ZNF487: variants seen among roughly 807,000 people sequenced by gnomAD.
ZNF487 encodes zinc finger protein 487.
ZNF487 carries 4 observed loss-of-function variants against 3.0 expected under a neutral mutation model. The observed-to-expected ratio is 1.35, with a 90% CI of 0.66 to 3.08. The LOEUF (loss-of-function observed/expected upper bound fraction) is 3.08. Among genes scored for constraint, ZNF487 ranks in the 30% most tolerant of loss-of-function variants. ZNF487 has a pLI of 0.01. For missense variants in ZNF487, 146 were observed against 98.7 expected, an observed-to-expected ratio of 1.48 and a Z score of -2.03; for synonymous variants, 55 against 34.6, an observed-to-expected ratio of 1.59 and a Z score of -2.06.
chr10:43,499,744 C>T, the ZNF487 span, among the ~76,000 whole-genome samples: 1 of 149,120 alleles, frequency 6.7e-6, no homozygotes, highest in African/African-American at 2.5e-5. Context: ...GAGTGAGACC[C>T]TGTCTCAAAA....
chr10:43,467,354 G>A (rs1840744925), intron 1 of ZNF487, among the ~76,000 whole-genome samples: 2 of 151,474 alleles, frequency 1.3e-5, no homozygotes, highest in South Asian at 2.1e-4. Flanking sequence ...ACAGGTGCAC[G>A]CCACCACGCC....
chr10:43,493,709 A>AAAAAAAAAAAAATAAAAATATATATAAAT, the ZNF487 span, among the ~76,000 whole-genome samples: 1 of 43,720 alleles, frequency 2.3e-5, no homozygotes. Context: ...AAAAAAAAAA[A>AAAAAAAAAAAAATAAAAATATATATAAAT]ATATATATAT....
At chr10:43,475,164 G>A (rs958968659) in intron 1 of ZNF487, among the ~76,000 whole-genome samples, 1 of 152,082 alleles carries the variant, frequency 6.6e-6, no homozygotes, top group African/African-American at 2.4e-5. Flanking sequence ...ATTCTCCGGG[G>A]ACCCTCCCTT....
At chr10:43,453,650 C>T (rs1273036887) in intron 1 of ZNF487, 2 of 152,198 alleles carry the variant, frequency 1.3e-5, no homozygotes, top group Non-Finnish European at 2.9e-5. Context: ...AGCCGAATAA[C>T]AAACTTACAG....
At chr10:43,518,275 T>C in the ZNF487 span, among the ~76,000 whole-genome samples, 3 of 152,220 alleles carry the variant, frequency 2.0e-5, no homozygotes, top group African/African-American at 7.2e-5. Flanking sequence ...CAATGAAAGT[T>C]CTACCTCCCA....
At chr10:43,459,834 C>T (rs1840360184) in intron 1 of ZNF487, among the ~76,000 whole-genome samples, 1 of 150,254 alleles carries the variant, frequency 6.7e-6, no homozygotes, top group Admixed American at 6.7e-5. Context: ...TGGAGTCTCG[C>T]TCTGTCGTCC....
intron 1 of ZNF487, among the ~76,000 whole-genome samples, chr10:43,468,378 C>G (rs1279548212): frequency 6.6e-6 from 1 of 152,102 alleles, no homozygotes; most frequent in Admixed American, 6.6e-5. Flanking sequence ...ACAGAGAAAT[C>G]TTTCGTGAAA....
the ZNF487 span, among the ~76,000 whole-genome samples, chr10:43,522,346 A>G: frequency 1.7e-4 from 26 of 151,904 alleles, no homozygotes; most frequent in South Asian, 5.4e-3. Flanking sequence ...GTGAAATCCC[A>G]TCTCTACTAA....
chr10:43,513,839 C>T, the ZNF487 span, among the ~76,000 whole-genome samples: 1 of 152,196 alleles, frequency 6.6e-6, no homozygotes, highest in African/African-American at 2.4e-5. Flanking sequence ...CCTACTTTAA[C>T]TGTAGGACCA....
the ZNF487 span, among the ~76,000 whole-genome samples, chr10:43,498,524 C>A: frequency 2.9e-4 from 44 of 151,358 alleles, no homozygotes; most frequent in Non-Finnish European, 5.3e-4. Context: ...GTGATCTGCC[C>A]ACCTCGGCCT....
the ZNF487 span, among the ~76,000 whole-genome samples, chr10:43,497,514 T>A: frequency 5.9e-5 from 9 of 152,156 alleles, no homozygotes; most frequent in Non-Finnish European, 1.2e-4. Context: ...CAGCAGTAAA[T>A]CCTGCAATGG....
chr10:43,470,442 G>A (rs1840864067), intron 1 of ZNF487, among the ~76,000 whole-genome samples: 2 of 151,478 alleles, frequency 1.3e-5, no homozygotes, highest in Non-Finnish European at 2.9e-5. Context: ...GGAGTGCAAT[G>A]GCGTGATCTC....
the ZNF487 span, among the ~76,000 whole-genome samples, chr10:43,512,244 C>T: frequency 2.0e-5 from 3 of 152,300 alleles, no homozygotes; most frequent in East Asian, 3.9e-4. Context: ...ATGAGGCCAT[C>T]GGTGCAGGCT....
the ZNF487 span, among the ~76,000 whole-genome samples, chr10:43,501,683 A>G: frequency 1.3e-5 from 2 of 152,088 alleles, no homozygotes; most frequent in African/African-American, 4.8e-5. Flanking sequence ...GAGAGGTTGC[A>G]GTGAGCTGAG....
At chr10:43,498,063 G>T in the ZNF487 span, among the ~76,000 whole-genome samples, 1 of 114,772 alleles carries the variant, frequency 8.7e-6, no homozygotes, top group Non-Finnish European at 1.7e-5. Context: ...ACTCTGTCCT[G>T]TATTTGGTAT....
the ZNF487 span, among the ~76,000 whole-genome samples, chr10:43,513,333 G>A: frequency 3.9e-5 from 6 of 152,232 alleles, no homozygotes; most frequent in African/African-American, 1.4e-4. Context: ...GACAATGGCT[G>A]CATACCACCT....
downstream of ZNF487, among the ~76,000 whole-genome samples, chr10:43,484,708 A>C (rs933991546): frequency 1.3e-5 from 2 of 152,202 alleles, no homozygotes; most frequent in African/African-American, 2.4e-5. Context: ...TATTTAAAAA[A>C]ATCTTGTACT....
At chr10:43,501,690 T>C in the ZNF487 span, among the ~76,000 whole-genome samples, 1 of 151,530 alleles carries the variant, frequency 6.6e-6, no homozygotes, top group Non-Finnish European at 1.5e-5. Flanking sequence ...TGCAGTGAGC[T>C]GAGATAGTGC....
the ZNF487 span, among the ~76,000 whole-genome samples, chr10:43,522,579 C>T: frequency 2.0e-5 from 3 of 151,700 alleles, no homozygotes; most frequent in African/African-American, 4.8e-5. Flanking sequence ...ACTAAAAATA[C>T]AAAAATCAGC....
Sources: gnomAD v4.1 joint callset for allele counts (sites outside exome capture counted in the v4.1 genomes callset) on GRCh38, gnomAD v4.1.1 for gene constraint, MANE v1.5 for transcripts, NCBI Gene and HGNC (gene_info 2026-07-23, HGNC 2026-07-21) for gene names.